Variants in RFC5 observed in about 807,000 individuals in gnomAD.
RFC5 encodes the protein replication factor C subunit 5.
A neutral mutation model predicts 44.3 loss-of-function variants in RFC5; 26 were observed. That is an observed-to-expected ratio of 0.59 (90% CI 0.43 to 0.81). The LOEUF is 0.81. Among genes scored for constraint, RFC5 ranks in the 40% least tolerant of loss-of-function variants. The pLI is 0.00. For missense variants in RFC5, 328 were observed against 418.6 expected, an observed-to-expected ratio of 0.78 and a Z score of 1.89; for synonymous variants, 155 against 155.2, an observed-to-expected ratio of 1.00 and a Z score of 0.01.
chr12:118,040,661 A>C, the RFC5 span, among the ~76,000 whole-genome samples: 1 of 151,978 alleles, frequency 6.6e-6, no homozygotes, highest in African/African-American at 2.4e-5. Flanking sequence ...TCTCAAAAAA[A>C]AAAAAAAAAG....
At chr12:118,020,787 C>T (rs1196369430) in intron 3 of RFC5, 119 bp from the exon 4 acceptor site, 3 of 563,684 alleles carry the variant, frequency 5.3e-6, no homozygotes, top group Non-Finnish European at 9.5e-6. Context: ...TCTTAGCCAT[C>T]ATTAGACATA....
rs1308470133 is a variant in RFC5, at chr12:118,027,991, C to T, written c.832C>T (p.His278Tyr). ...GAAAACTCTGAAGGGGTTGGCACTG[C>T]ATGATATCCTGACAGAGATACACTT... is the stretch of plus-strand genomic sequence containing the variant. ...ELKTLKGLAL[H>Y]DILTEIHLFV... The change falls in exon 9 of 11, where the codon CAT becomes TAT. Residue 278 changes from histidine (H) to tyrosine (Y), a missense_variant. Coordinates refer to ENST00000454402, the MANE Select transcript of RFC5 (RefSeq NM_007370.7). 1.2e-6 allele frequency: 2 copies of T among 1,610,628 alleles called. No homozygotes were observed. Among genetic ancestry groups the T allele is most frequent in the Admixed American group, 1.7e-5 (1 of 60,014 alleles).
chr12:118,024,077 A>C (rs981725083), intron 5 of RFC5, among the ~76,000 whole-genome samples: 1 of 151,992 alleles, frequency 6.6e-6, no homozygotes, highest in Admixed American at 6.6e-5. Context: ...TTGGCCTGGC[A>C]CAGTGGCTCA....
chr12:118,021,030 A>G (rs754598795), intron 4 of RFC5, 45 bp downstream of exon 4: 1 of 1,207,496 alleles, frequency 8.3e-7, no homozygotes, highest in South Asian at 1.2e-5. Flanking sequence ...TTTGATTAGT[A>G]AGATGATATG....
At chr12:118,039,744 AT>A in the RFC5 span, among the ~76,000 whole-genome samples, 2 of 150,984 alleles carry the variant, frequency 1.3e-5, no homozygotes, top group African/African-American at 2.4e-5. Flanking sequence ...TTTCTTTTTT[AT>A]TTTTTTTTAT....
intron 6 of RFC5, 100 bp from the exon 7 acceptor site, chr12:118,025,647 A>G (rs895722119): frequency 4.1e-6 from 3 of 728,608 alleles, no homozygotes; most frequent in Admixed American, 2.1e-5. Flanking sequence ...TCCTTCCTTC[A>G]TCCCTTTAAA....
chr12:118,025,535 TC>T lies in RFC5; in HGVS notation c.582-211del, dbSNP rs1266471446. Reference sequence around the variant, plus strand: ...GCTTGTTCCTAAATTCAGGCTGTTCTCGATTTTGGTTGGCTGTGACTACTAA... The same window carrying T: ...GCTTGTTCCTAAATTCAGGCTGTTCTGATTTTGGTTGGCTGTGACTACTAA... On this transcript the variant is annotated intron_variant, in intron 6 of 10. Coordinates refer to ENST00000454402, the MANE Select transcript of RFC5 (RefSeq NM_007370.7). The T allele has an allele frequency of 1.8e-5, 9 of 487,982 alleles. No homozygotes were observed. The Admixed American group carries it at 3.0e-4, about 16-fold the overall frequency. The allele number at this position is 487,982 out of a possible 1,614,324, so 30.2% of individuals were successfully genotyped here.
chr12:118,038,406 C>A, the RFC5 span: 1 of 1,611,412 alleles, frequency 6.2e-7, no homozygotes, highest in Non-Finnish European at 8.5e-7. Context: ...GAAAAAGAAG[C>A]AAACAATGAG....
intron 1 of RFC5, 61 bp downstream of exon 1, chr12:118,016,953 G>C: frequency 7.4e-7 from 1 of 1,351,138 alleles, no homozygotes; most frequent in Non-Finnish European, 1.0e-6. Context: ...GCGGGGAGGA[G>C]GTGGCTGGGG....
chr12:118,023,430 AGAGGAGGGGGTGAGGAGGAGGAG>A (rs2030677610), intron 5 of RFC5, among the ~76,000 whole-genome samples: 3 of 28,410 alleles, frequency 1.1e-4, no homozygotes, highest in East Asian at 2.4e-3. Flanking sequence ...GAGGGGAGGA[AGAGGAGGGGGTGAGGAGGAGGAG>A]GGGGAGGAGA....
intron 9 of RFC5, among the ~76,000 whole-genome samples, chr12:118,028,783 A>G (rs2031129893): frequency 6.6e-6 from 1 of 152,196 alleles, no homozygotes; most frequent in Non-Finnish European, 1.5e-5. Context: ...TGTACCTTCT[A>G]CACAGAGAAT....
chr12:118,022,615 C>T (rs1340442588), intron 5 of RFC5, among the ~76,000 whole-genome samples: 3 of 151,994 alleles, frequency 2.0e-5, no homozygotes, highest in Non-Finnish European at 4.4e-5. Context: ...CAGGCATGCA[C>T]CACCACACCC....
chr12:118,031,103 C>A, intron 10 of RFC5, 79 bp from the exon 11 acceptor site: 1 of 953,330 alleles, frequency 1.0e-6, no homozygotes, highest in Non-Finnish European at 1.7e-6. Context: ...AGATTTTCAG[C>A]CCTAGATCTC....
chr12:118,028,881 G>A (rs2031135320), intron 9 of RFC5, among the ~76,000 whole-genome samples: 1 of 152,196 alleles, frequency 6.6e-6, no homozygotes, highest in African/African-American at 2.4e-5. Flanking sequence ...TATTCTCTAA[G>A]CTCCCCAGGT....
chr12:118,036,393 C>T (rs1200362658), downstream of RFC5: 2 of 1,614,036 alleles, frequency 1.2e-6, no homozygotes, highest in African/African-American at 1.3e-5. Context: ...ACATTGGTAT[C>T]GTAAGAAGCC....
intron 4 of RFC5, 149 bp from the exon 5 acceptor site, chr12:118,022,137 T>G: frequency 1.6e-6 from 1 of 640,300 alleles, no homozygotes; most frequent in Non-Finnish European, 2.9e-6. Flanking sequence ...CCTCTCTGAG[T>G]GACCAAAGAT....
At position 118,016,735 on chromosome 12, in the gene RFC5, C is replaced by A; in HGVS notation, c.-93C>A. On this transcript the variant is annotated 5_prime_UTR_variant, in exon 1 of 11. Coordinates refer to ENST00000454402, the MANE Select transcript of RFC5 (RefSeq NM_007370.7). ...GCTTTTGCGCGCGAACTGTAAGTGCCAGGGTCTCAGGGTCAGGTCGCGGCT... is the reference window on the plus strand; with the variant it reads ...GCTTTTGCGCGCGAACTGTAAGTGCAAGGGTCTCAGGGTCAGGTCGCGGCT... 1.9e-6 allele frequency: 2 copies of A among 1,031,036 alleles called. No homozygotes were observed. Among genetic ancestry groups the A allele is most frequent in the Non-Finnish European group, 3.0e-6 (2 of 677,914 alleles). The allele number at this position is 1,031,036 out of a possible 1,614,324, so 63.9% of individuals were successfully genotyped here.
chr12:118,021,452 A>G (rs892196159), intron 4 of RFC5, among the ~76,000 whole-genome samples: 6 of 151,968 alleles, frequency 3.9e-5, no homozygotes, highest in African/African-American at 1.2e-4. Flanking sequence ...AGCTCAAGCA[A>G]TCTGCCCGCC....
At chr12:118,027,916 C>T (rs767545203) in intron 8 of RFC5, 37 bp from the exon 9 acceptor site, 1 of 1,330,244 alleles carries the variant, frequency 7.5e-7, no homozygotes, top group Non-Finnish European at 1.1e-6. Flanking sequence ...TATGTTTGTT[C>T]TGGAACTTGT....
Sources: allele counts gnomAD v4.1 joint callset (sites outside exome capture counted in the v4.1 genomes callset), GRCh38; gene constraint gnomAD v4.1.1; transcripts MANE v1.5; gene names NCBI Gene and HGNC (gene_info 2026-07-23, HGNC 2026-07-21).